The following CELF2 variants were observed in gnomAD, a reference collection of about 807,000 sequenced individuals.
The protein encoded by CELF2 is CUGBP Elav-like family member 2.
CELF2 carries 8 observed loss-of-function variants against 62.6 expected under a neutral mutation model. The ratio of observed to expected loss-of-function variants is 0.13; its 90% CI spans 0.07 to 0.23. The LOEUF (loss-of-function observed/expected upper bound fraction) is 0.23, where lower values mean the gene tolerates loss of function less well. Among genes scored for constraint, CELF2 ranks in the 10% least tolerant of loss-of-function variants. CELF2 has a pLI of 1.00. For missense variants in CELF2, 333 were observed against 671.0 expected, an observed-to-expected ratio of 0.50 and a Z score of 5.56; for synonymous variants, 258 against 250.0, an observed-to-expected ratio of 1.03 and a Z score of -0.30.
the CELF2 span, among the ~76,000 whole-genome samples, chr10:10,663,057 A>G: frequency 6.6e-6 from 1 of 152,222 alleles, no homozygotes; most frequent in Non-Finnish European, 1.5e-5. Flanking sequence ...TTGCAAACTC[A>G]TCATACTTTA....
chr10:10,556,837 A>G, the CELF2 span, among the ~76,000 whole-genome samples: 2 of 151,010 alleles, frequency 1.3e-5, no homozygotes, highest in African/African-American at 4.9e-5. Context: ...TCTTCTTTTG[A>G]GAAGTGTCTG....
chr10:11,119,909 G>T (rs2057393429), intron 1 of CELF2, among the ~76,000 whole-genome samples: 1 of 109,708 alleles, frequency 9.1e-6, no homozygotes, highest in Non-Finnish European at 1.7e-5. Flanking sequence ...CATATTATTT[G>T]CATATAATAG....
the CELF2 span, among the ~76,000 whole-genome samples, chr10:10,587,422 C>T: frequency 4.6e-5 from 7 of 152,070 alleles, no homozygotes; most frequent in Admixed American, 1.3e-4. Context: ...GAAACCTCTG[C>T]CAGACAACTT....
intron 4 of CELF2, among the ~76,000 whole-genome samples, chr10:11,253,599 C>T (rs2077773456): frequency 6.6e-6 from 1 of 152,178 alleles, no homozygotes. Context: ...AGCCCCAAAT[C>T]CAGGTGTGAC....
the CELF2 span, among the ~76,000 whole-genome samples, chr10:10,765,291 A>G: frequency 2.0e-5 from 3 of 152,140 alleles, no homozygotes; most frequent in Non-Finnish European, 1.5e-5. Context: ...AATTCTTACA[A>G]AAGTAGAAGG....
intron 1 of CELF2, among the ~76,000 whole-genome samples, chr10:10,823,737 C>T (rs2057159147): frequency 6.6e-6 from 1 of 152,068 alleles, no homozygotes; most frequent in South Asian, 2.1e-4. Flanking sequence ...CATTGCAAGC[C>T]AAACAATGTT....
chr10:10,570,113 A>C, the CELF2 span, among the ~76,000 whole-genome samples: 1 of 152,170 alleles, frequency 6.6e-6, no homozygotes, highest in Non-Finnish European at 1.5e-5. Context: ...GCAGTTGCTC[A>C]CCTGAGACCT....
At chr10:10,663,841 A>G in the CELF2 span, among the ~76,000 whole-genome samples, 1 of 152,210 alleles carries the variant, frequency 6.6e-6, no homozygotes, top group East Asian at 1.9e-4. Context: ...TTAAAGCCCA[A>G]ATAGATTCTT....
At chr10:10,593,411 A>G in the CELF2 span, among the ~76,000 whole-genome samples, 5 of 152,314 alleles carry the variant, frequency 3.3e-5, no homozygotes, top group East Asian at 9.7e-4. Context: ...TGGATTCTTC[A>G]TATGAAGATG....
intron 2 of CELF2, among the ~76,000 whole-genome samples, chr10:10,992,341 C>A (rs1029594693): frequency 6.6e-6 from 1 of 152,110 alleles, no homozygotes; most frequent in Non-Finnish European, 1.5e-5. Context: ...AGCGGATTCC[C>A]CAGGCATGCT....
At chr10:11,079,339 A>C (rs912277727) in intron 1 of CELF2, among the ~76,000 whole-genome samples, 1 of 152,216 alleles carries the variant, frequency 6.6e-6, no homozygotes, top group Non-Finnish European at 1.5e-5. Context: ...TTTAGGTTGA[A>C]GTACAGCTGT....
At chr10:11,052,713 C>CT (rs1219476334) in intron 1 of CELF2, among the ~76,000 whole-genome samples, 4 of 152,128 alleles carry the variant, frequency 2.6e-5, no homozygotes, top group African/African-American at 7.2e-5. Context: ...AACGAAAGGT[C>CT]TTTTTTGTTC....
chr10:10,720,238 A>C, the CELF2 span, among the ~76,000 whole-genome samples: 2 of 152,246 alleles, frequency 1.3e-5, no homozygotes, highest in African/African-American at 4.8e-5. Flanking sequence ...GAATTAAATA[A>C]GTTTTTAAAA....
chr10:10,932,470 A>G (rs1458632521), intron 2 of CELF2, among the ~76,000 whole-genome samples: 2 of 152,230 alleles, frequency 1.3e-5, no homozygotes, highest in African/African-American at 4.8e-5. Context: ...ATCATTCCAC[A>G]GTCTATGTAT....
At chr10:10,560,980 C>T in the CELF2 span, among the ~76,000 whole-genome samples, 1 of 139,432 alleles carries the variant, frequency 7.2e-6, no homozygotes, top group African/African-American at 2.7e-5. Context: ...GATGCAAAGG[C>T]ATAAGAATGA....
chr10:11,018,815 C>G (rs1182850970), intron 1 of CELF2: 1 of 152,280 alleles, frequency 6.6e-6, no homozygotes, highest in Admixed American at 6.5e-5. Flanking sequence ...GCTCTTCTTA[C>G]CAAATTACCC....
chr10:10,580,550 C>T, the CELF2 span, among the ~76,000 whole-genome samples: 2 of 152,260 alleles, frequency 1.3e-5, no homozygotes, highest in Non-Finnish European at 2.9e-5. Flanking sequence ...ACTGTGTGAC[C>T]TTCGGCAAGC....
intron 4 of CELF2, among the ~76,000 whole-genome samples, chr10:11,253,824 A>G (rs1406564409): frequency 6.6e-6 from 1 of 152,188 alleles, no homozygotes; most frequent in Non-Finnish European, 1.5e-5. Context: ...GGGGGACCCC[A>G]TCTGTGCAGC....
the CELF2 span, among the ~76,000 whole-genome samples, chr10:10,629,411 A>G: frequency 1.3e-5 from 2 of 152,226 alleles, no homozygotes; most frequent in Admixed American, 1.3e-4. Context: ...CTTGAAGCCC[A>G]GCTTACTGGA....
Sources: gnomAD v4.1 joint callset for allele counts (sites outside exome capture counted in the v4.1 genomes callset) on GRCh38, gnomAD v4.1.1 for gene constraint, MANE v1.5 for transcripts, NCBI Gene and HGNC (gene_info 2026-07-23, HGNC 2026-07-21) for gene names.